The following CNTN4 variants were observed in gnomAD, a reference collection of about 807,000 sequenced individuals.
CNTN4 encodes contactin 4.
A neutral mutation model predicts 122.5 loss-of-function variants in CNTN4; 77 were observed. The ratio of observed to expected loss-of-function variants is 0.63; its 90% confidence interval spans 0.52 to 0.76. The LOEUF is 0.76. CNTN4 is among the 30% of genes least tolerant of loss of function. The probability of loss-of-function intolerance (pLI) is 0.00; values close to 1 mark genes in which losing one functional copy is unlikely to be tolerated. For synonymous variants in CNTN4, 512 were observed against 447.0 expected, an observed-to-expected ratio of 1.15 and a Z score of -1.83; for missense variants, 1,256 against 1,259.1, an observed-to-expected ratio of 1.00 and a Z score of 0.04.
intron 6 of CNTN4, among the ~76,000 whole-genome samples, chr3:2,793,905 C>T (rs2092090207): frequency 6.6e-6 from 1 of 152,106 alleles, no homozygotes; most frequent in African/African-American, 2.4e-5. Context: ...GAATGAATCA[C>T]TCAAATTCCT....
intron 3 of CNTN4, among the ~76,000 whole-genome samples, chr3:2,470,426 A>G (rs2075645670): frequency 6.6e-6 from 1 of 152,142 alleles, no homozygotes; most frequent in Non-Finnish European, 1.5e-5. Flanking sequence ...ACGCTTCTCA[A>G]CAGTGTAATT....
chr3:2,240,635 A>G (rs9809585), intron 2 of CNTN4, among the ~76,000 whole-genome samples: 78,941 of 151,852 alleles, frequency 0.52, 20,970 homozygotes, highest in South Asian at 0.64. Context: ...ATATGATTCA[A>G]CCTACATATG....
intron 2 of CNTN4, among the ~76,000 whole-genome samples, chr3:2,109,771 T>G (rs2125127340): frequency 6.6e-6 from 1 of 152,334 alleles, no homozygotes; most frequent in Middle Eastern, 3.4e-3. Flanking sequence ...TACGAATTTT[T>G]TTGTCTTTAG....
At chr3:2,307,785 A>C (rs1019539415) in intron 2 of CNTN4, among the ~76,000 whole-genome samples, 7 of 147,356 alleles carry the variant, frequency 4.8e-5, no homozygotes, top group African/African-American at 1.8e-4. Context: ...TCATTGCTTT[A>C]CTTGAATAAT....
chr3:2,204,386 A>G (rs903153712), intron 2 of CNTN4, among the ~76,000 whole-genome samples: 1 of 152,204 alleles, frequency 6.6e-6, no homozygotes, highest in African/African-American at 2.4e-5. Context: ...GAAAAATAAT[A>G]TAAGCTTCTC....
At chr3:2,740,901 A>G (rs546747364) in intron 5 of CNTN4, among the ~76,000 whole-genome samples, 116 of 152,300 alleles carry the variant, frequency 7.6e-4, no homozygotes, top group Non-Finnish European at 1.5e-3. Context: ...TCATTTATCA[A>G]ACATATTCAT....
chr3:2,863,141 A>G (rs150195395), intron 7 of CNTN4, among the ~76,000 whole-genome samples: 84 of 152,312 alleles, frequency 5.5e-4, no homozygotes, highest in Middle Eastern at 6.8e-3. Context: ...TTCTCATTAC[A>G]TTATATTCCT....
At chr3:2,534,324 G>A (rs374561819) in intron 3 of CNTN4, among the ~76,000 whole-genome samples, 1 of 152,058 alleles carries the variant, frequency 6.6e-6, no homozygotes, top group Non-Finnish European at 1.5e-5. Context: ...TTCTACATAT[G>A]GCTAGCCAGT....
intron 4 of CNTN4, among the ~76,000 whole-genome samples, chr3:2,623,008 G>A (rs2082047365): frequency 6.6e-6 from 1 of 152,158 alleles, no homozygotes; most frequent in Admixed American, 6.5e-5. Context: ...TAGCTATCAA[G>A]GACTTACCTG....
chr3:2,891,081 T>C (rs2094034250), intron 10 of CNTN4, among the ~76,000 whole-genome samples: 1 of 152,146 alleles, frequency 6.6e-6, no homozygotes, highest in South Asian at 2.1e-4. Flanking sequence ...AAGGACCTAA[T>C]ATTTTACTGG....
chr3:2,759,288 TG>T (rs2090479172), intron 6 of CNTN4, among the ~76,000 whole-genome samples: 2 of 152,170 alleles, frequency 1.3e-5, no homozygotes, highest in African/African-American at 2.4e-5. Context: ...CCTGAGTAGC[TG>T]GGATTACAGG....
chr3:2,774,882 C>G (rs1013339442), intron 6 of CNTN4, among the ~76,000 whole-genome samples: 2 of 152,226 alleles, frequency 1.3e-5, no homozygotes, highest in Admixed American at 1.3e-4. Context: ...TACAAAATAG[C>G]CTGTTGTACT....
chr3:2,433,077 C>G (rs896749231), intron 3 of CNTN4, among the ~76,000 whole-genome samples: 1 of 152,130 alleles, frequency 6.6e-6, no homozygotes, highest in Admixed American at 6.6e-5. Context: ...CCCACCTCAG[C>G]CACATAAAGT....
chr3:2,519,817 C>A (rs569912117), intron 3 of CNTN4, among the ~76,000 whole-genome samples: 1 of 152,120 alleles, frequency 6.6e-6, no homozygotes, highest in Non-Finnish European at 1.5e-5. Context: ...CAGTTTTCAA[C>A]TTCTATGGTA....
At chr3:2,148,318 G>C (rs2035340444) in intron 2 of CNTN4, among the ~76,000 whole-genome samples, 1 of 152,014 alleles carries the variant, frequency 6.6e-6, no homozygotes, top group Non-Finnish European at 1.5e-5. Context: ...AGGGTCGCTT[G>C]AGCCCAGGAG....
chr3:2,170,109 C>A (rs1381642063), intron 2 of CNTN4, among the ~76,000 whole-genome samples: 1 of 151,836 alleles, frequency 6.6e-6, no homozygotes. Context: ...ATCACAAGGT[C>A]AGGAGATCGA....
chr3:2,215,543 T>C (rs1158909365), intron 2 of CNTN4, among the ~76,000 whole-genome samples: 1 of 152,114 alleles, frequency 6.6e-6, no homozygotes, highest in Non-Finnish European at 1.5e-5. Context: ...TGCCAAATTG[T>C]TTTCTGAAAT....
At chr3:2,972,297 A>G (rs1692999172) in intron 13 of CNTN4, among the ~76,000 whole-genome samples, 1 of 152,102 alleles carries the variant, frequency 6.6e-6, no homozygotes, top group African/African-American at 2.4e-5. Flanking sequence ...TGTTGCAGCT[A>G]ACTCATACAC....
At chr3:2,806,032 G>A (rs2092460127) in intron 6 of CNTN4, among the ~76,000 whole-genome samples, 1 of 152,102 alleles carries the variant, frequency 6.6e-6, no homozygotes, top group Non-Finnish European at 1.5e-5. Context: ...CTCCCGAGTA[G>A]CTGGGACTAC....
Sources: allele counts gnomAD v4.1 joint callset (sites outside exome capture counted in the v4.1 genomes callset), GRCh38; gene constraint gnomAD v4.1.1; transcripts MANE v1.5; gene names NCBI Gene and HGNC (gene_info 2026-07-23, HGNC 2026-07-21).